The following MDGA2 variants were observed in gnomAD, a reference collection of about 807,000 sequenced individuals.
MDGA2 encodes the protein MAM domain-containing glycosylphosphatidylinositol anchor protein 2.
In MDGA2, 40 loss-of-function variants were observed where a neutral mutation model predicts 117.8. The ratio of observed to expected loss-of-function variants is 0.34; its 90% CI spans 0.26 to 0.44. The LOEUF is 0.44. Among genes scored for constraint, MDGA2 ranks in the 20% least tolerant of loss-of-function variants. MDGA2 has a pLI of 1.00. For synonymous variants in MDGA2, 452 were observed against 439.0 expected (o/e 1.03, Z -0.37); for missense variants, 1,123 against 1,250.6 (o/e 0.90, Z 1.54).
intron 1 of MDGA2, among the ~76,000 whole-genome samples, chr14:47,402,097 C>T (rs1156704451): frequency 6.6e-6 from 1 of 152,162 alleles, no homozygotes; most frequent in African/African-American, 2.4e-5. Context: ...GTTTGTTTCT[C>T]ATTCACCAAA....
intron 7 of MDGA2, among the ~76,000 whole-genome samples, chr14:47,037,086 T>C (rs1252829549): frequency 6.6e-6 from 1 of 152,220 alleles, no homozygotes; most frequent in African/African-American, 2.4e-5. Context: ...TGGCAAAGTA[T>C]TTGTTCTTTT....
intron 3 of MDGA2, among the ~76,000 whole-genome samples, chr14:47,195,027 C>CT (rs1566675218): frequency 6.6e-6 from 1 of 151,946 alleles, no homozygotes; most frequent in Non-Finnish European, 1.5e-5. Context: ...CAAGTTCTCA[C>CT]TTTTTTTCTC....
intron 1 of MDGA2, among the ~76,000 whole-genome samples, chr14:47,606,762 G>A (rs1594940693): frequency 6.6e-6 from 1 of 152,298 alleles, no homozygotes; most frequent in East Asian, 1.9e-4. Flanking sequence ...GCTGCTGTGA[G>A]TGAGTCAGAA....
intron 1 of MDGA2, among the ~76,000 whole-genome samples, chr14:47,533,129 G>A (rs1171765182): frequency 6.6e-6 from 1 of 152,186 alleles, no homozygotes; most frequent in African/African-American, 2.4e-5. Context: ...GACCAGAGAT[G>A]GTTCTATTGA....
At chr14:47,646,365 A>G (rs1897535219) in intron 1 of MDGA2, among the ~76,000 whole-genome samples, 1 of 151,974 alleles carries the variant, frequency 6.6e-6, no homozygotes, top group Non-Finnish European at 1.5e-5. Context: ...TAATACTCAT[A>G]TATAATACAT....
chr14:47,597,696 T>A (rs573209524), intron 1 of MDGA2, among the ~76,000 whole-genome samples: 42 of 152,212 alleles, frequency 2.8e-4, no homozygotes, highest in African/African-American at 9.9e-4. Flanking sequence ...TATAACAACT[T>A]TAAAATACTT....
intron 1 of MDGA2, among the ~76,000 whole-genome samples, chr14:47,482,767 TAGG>T (rs771689384): frequency 2.2e-4 from 34 of 151,964 alleles, no homozygotes; most frequent in African/African-American, 3.9e-4. Context: ...AGAGACTTAT[TAGG>T]AGATTTGGCT....
chr14:46,971,775 A>C (rs1886275436), intron 8 of MDGA2, among the ~76,000 whole-genome samples: 1 of 152,136 alleles, frequency 6.6e-6, no homozygotes, highest in Non-Finnish European at 1.5e-5. Flanking sequence ...TATAGAAATG[A>C]TAAATATTCA....
At chr14:47,217,078 T>A (rs889285140) in intron 3 of MDGA2, among the ~76,000 whole-genome samples, 4 of 152,062 alleles carry the variant, frequency 2.6e-5, no homozygotes, top group Non-Finnish European at 5.9e-5. Flanking sequence ...TAAATGAGAT[T>A]CAGCAGAGCA....
chr14:47,011,810 A>AT (rs1441560375), intron 8 of MDGA2, among the ~76,000 whole-genome samples: 2 of 152,068 alleles, frequency 1.3e-5, no homozygotes, highest in Admixed American at 1.3e-4. Context: ...TAGCTCTGAT[A>AT]TCCCCCATGG....
At chr14:47,373,632 T>G (rs988262701) in intron 1 of MDGA2, among the ~76,000 whole-genome samples, 3 of 152,054 alleles carry the variant, frequency 2.0e-5, no homozygotes, top group African/African-American at 7.2e-5. Flanking sequence ...AGTCAGGGGT[T>G]GGCTAGGGCT....
chr14:46,964,751 T>C (rs1885947961), intron 8 of MDGA2, among the ~76,000 whole-genome samples: 1 of 152,230 alleles, frequency 6.6e-6, no homozygotes, highest in Non-Finnish European at 1.5e-5. Context: ...ATAAGTTAAG[T>C]GAATACAGTC....
At chr14:47,093,570 A>C (rs1363528252) in intron 6 of MDGA2, among the ~76,000 whole-genome samples, 4 of 152,108 alleles carry the variant, frequency 2.6e-5, no homozygotes, top group African/African-American at 9.6e-5. Context: ...ACTTATGAGA[A>C]ATGTAGCTCA....
Position 47,061,135 on chromosome 14 carries a change from T to C in MDGA2, c.1525+114A>G, listed in dbSNP as rs115103707. 2,422 of 936,090 alleles carry C rather than the reference T, an allele frequency of 2.6e-3. 40 individuals carry two copies. The African/African-American group carries it at 0.037, about 14-fold the overall frequency. The allele number at this position is 936,090 out of a possible 1,614,324, so 58.0% of individuals were successfully genotyped here. On this transcript the variant is annotated intron_variant, in intron 7 of 16. Coordinates refer to ENST00000399232, the MANE Select transcript of MDGA2 (RefSeq NM_001113498.3). ...GAGCATTCAGAACATTATAATTTTG[T>C]TTTTAGGAAACTTAAAAGGGAAAAA...
At chr14:47,030,089 G>A (rs1464101262) in intron 8 of MDGA2, among the ~76,000 whole-genome samples, 1 of 151,980 alleles carries the variant, frequency 6.6e-6, no homozygotes, top group Non-Finnish European at 1.5e-5. Context: ...GCCTCCCAGA[G>A]CGCTGGGATT....
At chr14:47,620,820 C>G (rs1234967008) in intron 1 of MDGA2, among the ~76,000 whole-genome samples, 1 of 152,146 alleles carries the variant, frequency 6.6e-6, no homozygotes, top group Non-Finnish European at 1.5e-5. Context: ...TATCTGTGTT[C>G]ACCGTGACTG....
chr14:47,442,923 T>C (rs1338160412), intron 1 of MDGA2, among the ~76,000 whole-genome samples: 1 of 152,104 alleles, frequency 6.6e-6, no homozygotes, highest in Non-Finnish European at 1.5e-5. Context: ...ACCCATGTTG[T>C]CTATGCTACC....
At chr14:47,237,078 A>G (rs182468775) in intron 2 of MDGA2, among the ~76,000 whole-genome samples, 9 of 152,298 alleles carry the variant, frequency 5.9e-5, no homozygotes, top group African/African-American at 1.9e-4. Flanking sequence ...AGTCTTCCCT[A>G]TCCCACAACC....
intron 1 of MDGA2, among the ~76,000 whole-genome samples, chr14:47,492,352 T>C (rs543478464): frequency 1.3e-5 from 2 of 152,228 alleles, no homozygotes; most frequent in South Asian, 2.1e-4. Context: ...TTTAAGTCTC[T>C]GTTTAAGTAC....
Sources: allele counts gnomAD v4.1 joint callset (sites outside exome capture counted in the v4.1 genomes callset), GRCh38; gene constraint gnomAD v4.1.1; transcripts MANE v1.5; gene names NCBI Gene and HGNC (gene_info 2026-07-23, HGNC 2026-07-21).